Variants in NETO2 observed in about 807,000 individuals in gnomAD.
The protein encoded by NETO2 is neuropilin and tolloid like 2, also known as neuropilin and tolloid-like protein 2.
Under a neutral mutation model 62.5 loss-of-function variants are expected in NETO2, and 28 were observed. The observed-to-expected ratio is 0.45, with a 90% confidence interval of 0.33 to 0.61. The LOEUF is 0.61. NETO2 is among the 20% of genes least tolerant of loss of function. The pLI, the probability that NETO2 is intolerant of heterozygous loss-of-function variation, is 0.02. For synonymous variants in NETO2, 214 were observed against 219.1 expected, an observed-to-expected ratio of 0.98 and a Z score of 0.21; for missense variants, 548 against 643.2, an observed-to-expected ratio of 0.85 and a Z score of 1.60.
intron 1 of NETO2, among the ~76,000 whole-genome samples, chr16:47,132,628 T>C (rs1056583520): frequency 4.6e-5 from 7 of 152,220 alleles, no homozygotes; most frequent in African/African-American, 1.7e-4. Context: ...CAACAACATA[T>C]TGAATTGTTT....
intron 7 of NETO2, among the ~76,000 whole-genome samples, chr16:47,102,289 C>G (rs1335836746): frequency 4.6e-5 from 7 of 152,132 alleles, no homozygotes; most frequent in Admixed American, 4.6e-4. Context: ...AAAAGTAACT[C>G]AAGATAGACT....
At chr16:47,114,798 T>G (rs1963876525) in intron 6 of NETO2, among the ~76,000 whole-genome samples, 1 of 152,138 alleles carries the variant, frequency 6.6e-6, no homozygotes, top group African/African-American at 2.4e-5. Context: ...CTAAGAACTC[T>G]TTGTCTAACC....
At chr16:47,100,775 G>A (rs1963523974) in intron 7 of NETO2, among the ~76,000 whole-genome samples, 1 of 152,120 alleles carries the variant, frequency 6.6e-6, no homozygotes, top group African/African-American at 2.4e-5. Context: ...TCCCTGAGTA[G>A]ACCGATAACA....
At chr16:47,092,542 G>C (rs7201148) in intron 7 of NETO2, among the ~76,000 whole-genome samples, 16,047 of 152,164 alleles carry the variant, frequency 0.11, 1,703 homozygotes, top group African/African-American at 0.28. Flanking sequence ...AGAGGCTGCA[G>C]GTGGCTGGCG....
At chr16:47,117,818 G>A (rs1250255073) in intron 6 of NETO2, among the ~76,000 whole-genome samples, 3 of 152,112 alleles carry the variant, frequency 2.0e-5, no homozygotes, top group Non-Finnish European at 2.9e-5. Flanking sequence ...TGGGCAGGGT[G>A]GCTAATACCT....
intron 7 of NETO2, among the ~76,000 whole-genome samples, chr16:47,088,534 CTA>C (rs1427192267): frequency 6.6e-6 from 1 of 152,122 alleles, no homozygotes; most frequent in African/African-American, 2.4e-5. Context: ...GAATATTGCT[CTA>C]TGTTATACTG....
At chr16:47,142,631 AG>A (rs1478818367) in intron 1 of NETO2, among the ~76,000 whole-genome samples, 2 of 152,220 alleles carry the variant, frequency 1.3e-5, no homozygotes, top group South Asian at 2.1e-4. Context: ...TTAAATCAGC[AG>A]GGGGAAAAAG....
intron 6 of NETO2, among the ~76,000 whole-genome samples, chr16:47,119,837 G>A (rs978506263): frequency 6.6e-6 from 1 of 152,042 alleles, no homozygotes; most frequent in Non-Finnish European, 1.5e-5. Context: ...CTGATTTCTG[G>A]TTTAATTGCA....
intron 8 of NETO2, among the ~76,000 whole-genome samples, chr16:47,085,963 G>C (rs566326795): frequency 6.6e-6 from 1 of 151,742 alleles, no homozygotes; most frequent in Non-Finnish European, 1.5e-5. Flanking sequence ...AAAATTAGCC[G>C]GGCGTGGTGG....
At chr16:47,108,501 T>C (rs1259491397) in intron 7 of NETO2, among the ~76,000 whole-genome samples, 1 of 152,198 alleles carries the variant, frequency 6.6e-6, no homozygotes, top group Non-Finnish European at 1.5e-5. Flanking sequence ...GGGCACAACA[T>C]AGTTTCTGTG....
chr16:47,105,622 C>T (rs1386483933), intron 7 of NETO2, among the ~76,000 whole-genome samples: 2 of 152,020 alleles, frequency 1.3e-5, no homozygotes, highest in Admixed American at 6.6e-5. Flanking sequence ...CCAGAATACA[C>T]AGAGAACGTC....
chr16:47,137,684 C>T (rs1964385599), intron 1 of NETO2, among the ~76,000 whole-genome samples: 1 of 152,218 alleles, frequency 6.6e-6, no homozygotes, highest in Admixed American at 6.5e-5. Context: ...GGAACCCTTT[C>T]CAGATTAATT....
chr16:47,136,831 CA>C (rs1294410825), intron 1 of NETO2, among the ~76,000 whole-genome samples: 2 of 151,056 alleles, frequency 1.3e-5, no homozygotes, highest in East Asian at 1.9e-4. Context: ...AAGCTAAAAA[CA>C]AAAAATAAAT....
chr16:47,142,486 G>A (rs996578979), intron 1 of NETO2, among the ~76,000 whole-genome samples: 1 of 152,140 alleles, frequency 6.6e-6, no homozygotes, highest in Non-Finnish European at 1.5e-5. Context: ...TTAGGGAGCA[G>A]GAAAAAAGTC....
chr16:47,086,369 A>G (rs761701400), intron 7 of NETO2, 30 bp from the exon 8 acceptor site: 6 of 1,456,666 alleles, frequency 4.1e-6, no homozygotes, highest in Non-Finnish European at 5.8e-6. Context: ...TGTTGCAAAG[A>G]GCAGGCAGAC....
At chr16:47,119,806 T>G (rs1964001469) in intron 6 of NETO2, among the ~76,000 whole-genome samples, 1 of 152,146 alleles carries the variant, frequency 6.6e-6, no homozygotes, top group Non-Finnish European at 1.5e-5. Context: ...ACATATGGAG[T>G]TTTAAAGTAA....
chr16:47,100,467 T>A (rs1399627650), intron 7 of NETO2, among the ~76,000 whole-genome samples: 1 of 151,330 alleles, frequency 6.6e-6, no homozygotes, highest in African/African-American at 2.4e-5. Context: ...AGAGCAGAAC[T>A]GAAGGAGACA....
At chr16:47,119,151 TTTTTC>T (rs1223192954) in intron 6 of NETO2, among the ~76,000 whole-genome samples, 4 of 151,422 alleles carry the variant, frequency 2.6e-5, no homozygotes, top group Admixed American at 2.6e-4. Flanking sequence ...TGTTTTTTTC[TTTTTC>T]TTTTTTTTTT....
chr16:47,083,067 A>G lies in NETO2; in HGVS notation c.*154T>C. On this transcript the variant is annotated 3_prime_UTR_variant, in exon 9 of 9. Transcript: ENST00000562435. ...TGGTTTAACATATATAGACTGCCTG[A>G]GAGAATAAAAACATCACCATACAAT... 1 of 651,672 alleles carries G rather than the reference A, an allele frequency of 1.5e-6. No homozygotes were observed. The highest frequency in any genetic ancestry group is 2.1e-5 in the South Asian group (1 of 46,618). The allele number at this position is 651,672 out of a possible 1,614,324, so 40.4% of individuals were successfully genotyped here.
Sources: gnomAD v4.1 joint callset for allele counts (sites outside exome capture counted in the v4.1 genomes callset) on GRCh38, gnomAD v4.1.1 for gene constraint, MANE v1.5 for transcripts, NCBI Gene and HGNC (gene_info 2026-07-23, HGNC 2026-07-21) for gene names.